Variants in TMCO4 observed in about 807,000 individuals in gnomAD.
The protein encoded by TMCO4 is transmembrane and coiled-coil domain-containing protein 4.
TMCO4 carries 58 observed loss-of-function variants against 64.7 expected under a neutral mutation model. That is an observed-to-expected ratio of 0.90 (90% confidence interval 0.73 to 1.12). The LOEUF is 1.12. TMCO4 is among the 50% of genes most tolerant of loss of function. The pLI is 0.00. For missense variants in TMCO4, 780 were observed against 825.9 expected, an observed-to-expected ratio of 0.94 and a Z score of 0.68; for synonymous variants, 325 against 346.1, an observed-to-expected ratio of 0.94 and a Z score of 0.68.
At chr1:19,761,773 G>T (rs778360419) in intron 6 of TMCO4, among the ~76,000 whole-genome samples, 2 of 152,224 alleles carry the variant, frequency 1.3e-5, no homozygotes, top group Non-Finnish European at 2.9e-5. Context: ...TGAAACAGAT[G>T]ATTCCTACCC....
chr1:19,772,243 C>T (rs747539550), intron 4 of TMCO4, among the ~76,000 whole-genome samples: 10 of 152,180 alleles, frequency 6.6e-5, no homozygotes, highest in Non-Finnish European at 1.2e-4. Flanking sequence ...GCAGAAGTGA[C>T]GGCAGCCACC....
rs2095459519 is a variant in TMCO4 at position 19,737,369 on chromosome 1, C to T, written c.1264+3G>A. 1.2e-6 allele frequency: 2 copies of T among 1,611,862 alleles called. No homozygotes were observed. The highest frequency in any genetic ancestry group is 4.5e-5 in the East Asian group (2 of 44,818). On this transcript the variant is annotated splice_donor_region_variant and intron_variant, in intron 13 of 15. Transcript: ENST00000294543. ...TCCGTCTGTGACAATAATCCATGCT[C>T]ACCTTTCTCTTGAGCCATCTCCTGC... is the stretch of plus-strand genomic sequence containing the variant.
At chr1:19,729,697 G>A (rs572035638) in intron 13 of TMCO4, among the ~76,000 whole-genome samples, 44 of 152,112 alleles carry the variant, frequency 2.9e-4, no homozygotes, top group African/African-American at 1.0e-3. Context: ...ACCGGGAGGT[G>A]GAGGTTGCAG....
intron 13 of TMCO4, among the ~76,000 whole-genome samples, chr1:19,712,181 G>C (rs2095333703): frequency 1.3e-5 from 2 of 152,198 alleles, no homozygotes; most frequent in Admixed American, 1.3e-4. Context: ...AGGGAGAGAG[G>C]TGGGGAACAG....
intron 15 of TMCO4, among the ~76,000 whole-genome samples, chr1:19,692,730 G>A (rs971370517): frequency 6.6e-6 from 1 of 151,360 alleles, no homozygotes; most frequent in African/African-American, 2.4e-5. Context: ...CTGGGCAACA[G>A]GAGTGAAACT....
At chr1:19,775,987 A>C (rs2043186925) in intron 4 of TMCO4, among the ~76,000 whole-genome samples, 1 of 152,198 alleles carries the variant, frequency 6.6e-6, no homozygotes, top group Non-Finnish European at 1.5e-5. Context: ...GACTCACTGC[A>C]ACCCCCACCT....
intron 13 of TMCO4, among the ~76,000 whole-genome samples, chr1:19,730,141 G>A (rs1459480989): frequency 6.6e-6 from 1 of 152,240 alleles, no homozygotes; most frequent in Non-Finnish European, 1.5e-5. Flanking sequence ...TCCTTCATGT[G>A]AGGAATGTCT....
intron 2 of TMCO4, among the ~76,000 whole-genome samples, chr1:19,789,255 A>G (rs1450283826): frequency 6.6e-6 from 1 of 151,736 alleles, no homozygotes; most frequent in Non-Finnish European, 1.5e-5. Flanking sequence ...TACGAAAATT[A>G]GCTGGTTGTG....
At chr1:19,764,431 C>T (rs2042638642) in intron 6 of TMCO4, among the ~76,000 whole-genome samples, 1 of 152,236 alleles carries the variant, frequency 6.6e-6, no homozygotes, top group African/African-American at 2.4e-5. Flanking sequence ...ATACAGTAGG[C>T]ACTCAACGAG....
intron 6 of TMCO4, among the ~76,000 whole-genome samples, chr1:19,768,746 G>A (rs1403709279): frequency 6.6e-6 from 1 of 152,166 alleles, no homozygotes; most frequent in Admixed American, 6.5e-5. Context: ...TGGAGCCTTA[G>A]AGCAGCGCTC....
chr1:19,797,806 G>C (rs1571090281), intron 2 of TMCO4, among the ~76,000 whole-genome samples: 1 of 148,972 alleles, frequency 6.7e-6, no homozygotes, highest in South Asian at 2.1e-4. Flanking sequence ...GGAGGTTGCA[G>C]TGAGCTGAAA....
At chr1:19,716,957 T>C (rs537095362) in intron 13 of TMCO4, among the ~76,000 whole-genome samples, 7 of 152,124 alleles carry the variant, frequency 4.6e-5, no homozygotes, top group African/African-American at 1.7e-4. Context: ...GAGGCCGAGG[T>C]GGGTGGATCA....
At chr1:19,742,732 T>G (rs1447845464) in intron 10 of TMCO4, among the ~76,000 whole-genome samples, 1 of 152,062 alleles carries the variant, frequency 6.6e-6, no homozygotes, top group Non-Finnish European at 1.5e-5. Flanking sequence ...TCCACATTTG[T>G]AAGGATGGAA....
chr1:19,753,309 A>G lies in TMCO4; in HGVS notation c.515+2325T>C, dbSNP rs138558218. Reference sequence around the variant, plus strand: ...AGCTCATGAGCTCACATCTTCTGAGACTCTACTATGTGCCAAGCACGGGTC... The same window carrying G: ...AGCTCATGAGCTCACATCTTCTGAGGCTCTACTATGTGCCAAGCACGGGTC... On this transcript the variant is annotated intron_variant, in intron 7 of 15. Coordinates refer to ENST00000294543, the MANE Select transcript of TMCO4 (RefSeq NM_181719.7). 7.8e-3 allele frequency among the ~76,000 whole-genome samples: 1,181 copies of G among 152,024 alleles called. 17 individuals are homozygous for G. Among genetic ancestry groups the G allele is most frequent in the African/African-American group, 0.027 (1,128 of 41,452 alleles).
intron 2 of TMCO4, among the ~76,000 whole-genome samples, chr1:19,789,124 A>G (rs1323780527): frequency 6.7e-6 from 1 of 150,236 alleles, no homozygotes; most frequent in East Asian, 2.0e-4. Flanking sequence ...TGTTTCAGCC[A>G]GGTGTAGTGG....
chr1:19,741,928 G>A (rs972727332), intron 10 of TMCO4, among the ~76,000 whole-genome samples: 8 of 151,664 alleles, frequency 5.3e-5, no homozygotes, highest in Non-Finnish European at 8.8e-5. Flanking sequence ...CAGTAGAGAC[G>A]GGGTTTCATC....
intron 2 of TMCO4, among the ~76,000 whole-genome samples, chr1:19,792,014 C>T (rs1007988429): frequency 6.6e-6 from 1 of 152,166 alleles, no homozygotes; most frequent in Non-Finnish European, 1.5e-5. Context: ...TGACTTTTCG[C>T]TCGGTTCTCA....
At chr1:19,702,285 C>CAGAAAAAAAAAAAA (rs751695121) in intron 13 of TMCO4, among the ~76,000 whole-genome samples, 1 of 102,934 alleles carries the variant, frequency 9.7e-6, no homozygotes, top group African/African-American at 3.4e-5. Context: ...CTTGTCTTTA[C>CAGAAAAAAAAAAAA]AAAAAAAAAA....
At chr1:19,777,275 T>TGGA (rs2043251433) in intron 4 of TMCO4, among the ~76,000 whole-genome samples, 4 of 151,580 alleles carry the variant, frequency 2.6e-5, no homozygotes. Context: ...GTGTGATGTA[T>TGGA]GGAGCTGCAG....
Sources: gnomAD v4.1 joint callset for allele counts (sites outside exome capture counted in the v4.1 genomes callset) on GRCh38, gnomAD v4.1.1 for gene constraint, MANE v1.5 for transcripts, NCBI Gene and HGNC (gene_info 2026-07-23, HGNC 2026-07-21) for gene names.